PPP1R2: variants seen among roughly 807,000 people sequenced by gnomAD.
PPP1R2 encodes the protein protein phosphatase 1 regulatory inhibitor subunit 2.
Under a neutral mutation model 29.9 loss-of-function variants are expected in PPP1R2, and 16 were observed. The observed-to-expected ratio is 0.53, with a 90% CI of 0.36 to 0.81. The LOEUF is 0.81. Ranked by LOEUF, PPP1R2 falls within the 30% of genes least tolerant of loss-of-function variation. The probability of loss-of-function intolerance (pLI) is 0.00; values close to 1 mark genes in which losing one functional copy is unlikely to be tolerated. For synonymous variants in PPP1R2, 76 were observed against 91.5 expected, an observed-to-expected ratio of 0.83 and a Z score of 0.96; for missense variants, 197 against 252.7, an observed-to-expected ratio of 0.78 and a Z score of 1.49.
intron 4 of PPP1R2, among the ~76,000 whole-genome samples, chr3:195,520,036 G>T (rs889023570): frequency 6.6e-6 from 1 of 151,904 alleles, no homozygotes; most frequent in Non-Finnish European, 1.5e-5. Context: ...TCAAGATGGA[G>T]TTTCACTCTA....
At chr3:195,541,585 C>T (rs1368688673) in intron 1 of PPP1R2, among the ~76,000 whole-genome samples, 1 of 151,590 alleles carries the variant, frequency 6.6e-6, no homozygotes, top group Non-Finnish European at 1.5e-5. Flanking sequence ...GCGTGAGCCA[C>T]CACGCCTGGA....
In PPP1R2 at chr3:195,518,434, A is replaced by G. The variant is rs530888730; in HGVS notation, c.571+584T>C. 7.8e-4 allele frequency among the ~76,000 whole-genome samples: 118 copies of G among 151,770 alleles called. 1 individual carries two copies. Among genetic ancestry groups the G allele is most frequent in the African/African-American group, 2.5e-3 (103 of 41,454 alleles). ...TGGGAGGCCGAGGCGGGCGGATCAC[A>G]AGGTCAGGAGATTGGGACCATCCTG... On this transcript the variant is annotated intron_variant, in intron 5 of 5. Coordinates refer to ENST00000618156, the MANE Select transcript of PPP1R2 (RefSeq NM_006241.8).
At chr3:195,536,873 G>T (rs1259743249) in intron 1 of PPP1R2, among the ~76,000 whole-genome samples, 1 of 151,518 alleles carries the variant, frequency 6.6e-6, no homozygotes, top group African/African-American at 2.4e-5. Flanking sequence ...AAGACCTCTG[G>T]AGTTTAAAAA....
Position 195,523,761 on chromosome 3 carries a change from G to A in PPP1R2, c.334C>T (p.Pro112Ser). The change falls in exon 4 of 6, where the codon CCA becomes TCA. Residue 112 changes from proline to serine, a missense_variant. Pro to Ser is a moderately conservative substitution (Grantham distance 74). This residue lies in a region of PPP1R2 where 135 missense variants were observed against 163.0 expected (regional missense o/e 0.83). Transcript: ENST00000618156. ...TCTTGTTCCTGAATCCGATACTTTG[G>A]CTCCAAGCCTTCAGCTGCAGCTAAT... ...RKLAAAEGLE[P>S]KYRIQEQESS... 1 of 1,614,076 alleles carries A rather than the reference G, an allele frequency of 6.2e-7. No individual in the cohort carries two copies.
chr3:195,523,972 T>C (rs1337329748), intron 3 of PPP1R2, among the ~76,000 whole-genome samples, 186 bp from the exon 4 acceptor site: 3 of 151,986 alleles, frequency 2.0e-5, no homozygotes, highest in Non-Finnish European at 4.4e-5. Context: ...CCTGTGGTCC[T>C]AGCTATTTGG....
intron 1 of PPP1R2, among the ~76,000 whole-genome samples, chr3:195,540,134 C>T (rs956427204): frequency 1.2e-4 from 18 of 151,966 alleles, no homozygotes; most frequent in African/African-American, 4.1e-4. Flanking sequence ...ATGTGTAATC[C>T]CAAAACTAGC....
chr3:195,540,327 G>A (rs891470438), intron 1 of PPP1R2, among the ~76,000 whole-genome samples: 1 of 152,106 alleles, frequency 6.6e-6, no homozygotes. Flanking sequence ...CCTATTTAGG[G>A]TCCTTTCCTG....
intron 2 of PPP1R2, among the ~76,000 whole-genome samples, chr3:195,527,315 T>C (rs1281327416): frequency 6.6e-6 from 1 of 151,666 alleles, no homozygotes; most frequent in Non-Finnish European, 1.5e-5. Flanking sequence ...CCAGGCGTGG[T>C]AGTGGGTGCC....
At chr3:195,541,722 A>G (rs1719607289) in intron 1 of PPP1R2, among the ~76,000 whole-genome samples, 1 of 152,134 alleles carries the variant, frequency 6.6e-6, no homozygotes, top group Admixed American at 6.6e-5. Flanking sequence ...GCTTAGCCCA[A>G]AGAAGTTGGA....
At chr3:195,525,771 A>C (rs1480775396) in intron 2 of PPP1R2, among the ~76,000 whole-genome samples, 1 of 152,200 alleles carries the variant, frequency 6.6e-6, no homozygotes, top group Non-Finnish European at 1.5e-5. Context: ...AAGTATATAA[A>C]GCAGAACTCA....
intron 1 of PPP1R2, among the ~76,000 whole-genome samples, chr3:195,539,847 T>C (rs1382674684): frequency 6.6e-6 from 1 of 152,246 alleles, no homozygotes; most frequent in Non-Finnish European, 1.5e-5. Flanking sequence ...TATGGCTTTA[T>C]ATAAACCTCA....
At chr3:195,528,799 C>T (rs1298730210) in intron 2 of PPP1R2, 2 of 145,658 alleles carry the variant, frequency 1.4e-5, no homozygotes, top group African/African-American at 5.1e-5. Context: ...ATACTCCCAC[C>T]TCTGCCTCTG....
chr3:195,532,150 C>T (rs1577577696), intron 1 of PPP1R2, among the ~76,000 whole-genome samples: 1 of 151,974 alleles, frequency 6.6e-6, no homozygotes, highest in East Asian at 1.9e-4. Flanking sequence ...CCTGCCTCAG[C>T]CTCCTGACTA....
chr3:195,529,818 T>A lies in PPP1R2; in HGVS notation c.206A>T (p.Asp69Val). 6.2e-7 allele frequency: 1 copy of A among 1,607,212 alleles called. No homozygotes were observed. Among genetic ancestry groups the A allele is most frequent in the African/African-American group, 1.3e-5 (1 of 74,850 alleles). The change falls in exon 2 of 6, where the codon GAT becomes GTT. Residue 69 changes from aspartate to valine, a missense_variant. Around this residue, in one of 3 missense-constraint regions of PPP1R2, gnomAD observed 135 missense variants for 163.0 expected, o/e 0.83. Coordinates refer to ENST00000618156, the MANE Select transcript of PPP1R2 (RefSeq NM_006241.8). ...CCTATGGTAAGGAGTGCTTGGTTCA[T>A]CTATTTTCATTAAACCATAGTCTTT... Reference protein sequence around the residue: ...ADKDYGLMKIDEPSTPYHSMM... With the variant: ...ADKDYGLMKIVEPSTPYHSMM...
chr3:195,518,650 C>CAAAA (rs35912447), intron 5 of PPP1R2, among the ~76,000 whole-genome samples: 1 of 133,934 alleles, frequency 7.5e-6, no homozygotes. Flanking sequence ...GACTCTGTCT[C>CAAAA]AAAAAAAAAA....
At chr3:195,539,477 G>A (rs1719512809) in intron 1 of PPP1R2, among the ~76,000 whole-genome samples, 1 of 152,088 alleles carries the variant, frequency 6.6e-6, no homozygotes, top group African/African-American at 2.4e-5. Flanking sequence ...CAGCACTCTG[G>A]GAGGCAGGCA....
At chr3:195,540,152 G>A (rs1719540074) in intron 1 of PPP1R2, among the ~76,000 whole-genome samples, 2 of 152,092 alleles carry the variant, frequency 1.3e-5, no homozygotes, top group African/African-American at 2.4e-5. Flanking sequence ...AGCATTTGAG[G>A]TCCGTTAGCA....
rs1405656276 is a variant in PPP1R2 at position 195,516,213 on chromosome 3, A to G, written c.*683T>C. ...ACATTAAAAAACAAAAACAAACAAA[A>G]ACCCCCCAAAAACAAAAAACAGAGC... On this transcript the variant is annotated 3_prime_UTR_variant, in exon 6 of 6. Transcript: ENST00000618156. The G allele has an allele frequency of 5.2e-5, 8 of 152,536 alleles. No individual in the cohort carries two copies. The highest frequency in any genetic ancestry group is 1.9e-4 in the African/African-American group (8 of 41,436). The allele number at this position is 152,536 out of a possible 1,614,324, so 9.4% of individuals were successfully genotyped here.
intron 5 of PPP1R2, 111 bp downstream of exon 5, chr3:195,518,907 C>T (rs554106032): frequency 1.5e-5 from 23 of 1,495,160 alleles, no homozygotes; most frequent in Middle Eastern, 1.8e-4. Context: ...TATAATAAAG[C>T]GAATCTCAGC....
Sources: gnomAD v4.1 joint callset for allele counts (sites outside exome capture counted in the v4.1 genomes callset) on GRCh38, gnomAD v4.1.1 for gene constraint, gnomAD v4.1.1 regional missense constraint, MANE v1.5 for transcripts, NCBI Gene and HGNC (gene_info 2026-07-23, HGNC 2026-07-21) for gene names.